RBFOX1: variants seen among roughly 807,000 people sequenced by gnomAD.
The protein encoded by RBFOX1 is RNA binding protein fox-1 homolog 1.
RBFOX1 carries 8 observed loss-of-function variants against 57.7 expected under a neutral mutation model. That is an observed-to-expected ratio of 0.14 (90% CI 0.08 to 0.25). RBFOX1 has a LOEUF of 0.25. RBFOX1 is among the 10% of genes least tolerant of loss of function. RBFOX1 has a pLI of 1.00. For synonymous variants in RBFOX1, 326 were observed against 222.4 expected, an observed-to-expected ratio of 1.47 and a Z score of -4.15; for missense variants, 611 against 548.5, an observed-to-expected ratio of 1.11 and a Z score of -1.14.
intron 3 of RBFOX1, among the ~76,000 whole-genome samples, chr16:5,741,846 A>G (rs1567476275): frequency 1.3e-5 from 2 of 152,224 alleles, no homozygotes. Context: ...TCTTCTTTGT[A>G]AAACACTTAA....
intron 3 of RBFOX1, among the ~76,000 whole-genome samples, chr16:5,704,873 A>T (rs1235817899): frequency 1.3e-5 from 2 of 152,158 alleles, no homozygotes; most frequent in Non-Finnish European, 2.9e-5. Context: ...TGAATTAGGA[A>T]TGAGACTTAT....
chr16:7,013,573 C>G (rs1227731715), intron 3 of RBFOX1, among the ~76,000 whole-genome samples: 1 of 152,192 alleles, frequency 6.6e-6, no homozygotes, highest in Non-Finnish European at 1.5e-5. Context: ...TTGAGAAACT[C>G]TGGTATAACC....
At chr16:6,354,786 A>C (rs1446528367) in intron 2 of RBFOX1, among the ~76,000 whole-genome samples, 1 of 152,312 alleles carries the variant, frequency 6.6e-6, no homozygotes, top group African/African-American at 2.4e-5. Context: ...TTCAGTGTTT[A>C]ACAAAAATTC....
At position 7,710,814 on chromosome 16, in the gene RBFOX1, A is replaced by ACATGCAGTAGTACATCATTT; in HGVS notation, c.*70_*89dup. The ACATGCAGTAGTACATCATTT allele has an allele frequency of 7.3e-7, 1 of 1,360,932 alleles. No individual in the cohort carries two copies. The highest frequency in any genetic ancestry group is 9.8e-7 in the Non-Finnish European group (1 of 1,023,486). 84.3% of individuals were successfully genotyped at this position (1,360,932 alleles called of 1,614,324 possible). A position where few individuals can be genotyped will look rare whatever the true frequency, so the allele number is the denominator to read the frequency against. ...CTTTCCGAGGCCTGAGTATTGCAAT[A>ACATGCAGTAGTACATCATTT]CATGCAGTAGTACATCATTTTAGCA... On this transcript the variant is annotated 3_prime_UTR_variant, in exon 16 of 16. Transcript: ENST00000550418.
intron 3 of RBFOX1, among the ~76,000 whole-genome samples, chr16:7,034,166 A>C (rs1472130712): frequency 4.6e-5 from 7 of 152,064 alleles, no homozygotes; most frequent in African/African-American, 1.4e-4. Context: ...TCTGGATTCA[A>C]ATAGCCTGGG....
rs1207645010 is a variant in RBFOX1 at position 7,586,237 on chromosome 16, T to G, written c.415-1010T>G. ...TACCCTCTCTCTCAGTTGCTCGTAC[T>G]TATGCAGGTTAGGCTACTGTACTCA... On this transcript the variant is annotated intron_variant, in intron 6 of 15. Coordinates refer to ENST00000550418, the MANE Select transcript of RBFOX1 (RefSeq NM_018723.4). Among the ~76,000 whole-genome samples, 14 of 152,302 alleles carry G rather than the reference T, an allele frequency of 9.2e-5. 1 individual carries two copies. The East Asian group carries it at 2.5e-3, about 27-fold the overall frequency.
At chr16:6,592,758 G>T (rs1000052347) in intron 2 of RBFOX1, among the ~76,000 whole-genome samples, 1 of 151,790 alleles carries the variant, frequency 6.6e-6, no homozygotes, top group Admixed American at 6.6e-5. Flanking sequence ...CCCCCTGGTA[G>T]ATGAAATAGA....
chr16:6,752,006 G>A (rs928086878), intron 3 of RBFOX1, among the ~76,000 whole-genome samples: 3 of 152,078 alleles, frequency 2.0e-5, no homozygotes, highest in Non-Finnish European at 4.4e-5. Context: ...ATCCCAGTTG[G>A]AATAGGTGAC....
chr16:6,449,543 C>A (rs1434207497), intron 2 of RBFOX1, among the ~76,000 whole-genome samples: 1 of 152,164 alleles, frequency 6.6e-6, no homozygotes, highest in East Asian at 1.9e-4. Context: ...TTTCAGTTGG[C>A]TGAATCGGAG....
intron 4 of RBFOX1, among the ~76,000 whole-genome samples, chr16:7,289,494 C>T (rs954594987): frequency 5.3e-5 from 8 of 152,060 alleles, no homozygotes; most frequent in African/African-American, 1.4e-4. Flanking sequence ...TTATCATCAT[C>T]GTTATTACAG....
At chr16:6,272,749 T>TA (rs1449089984) in intron 1 of RBFOX1, among the ~76,000 whole-genome samples, 1 of 152,176 alleles carries the variant, frequency 6.6e-6, no homozygotes, top group Non-Finnish European at 1.5e-5. Flanking sequence ...AGATCCATTT[T>TA]AAAAAGTGTA....
intron 1 of RBFOX1, among the ~76,000 whole-genome samples, chr16:6,312,763 C>T (rs1273867595): frequency 6.6e-6 from 1 of 151,328 alleles, no homozygotes; most frequent in African/African-American, 2.4e-5. Context: ...TCCCTCCGTC[C>T]CTCCCTGTTT....
At chr16:6,954,021 G>A (rs1022699995) in intron 3 of RBFOX1, among the ~76,000 whole-genome samples, 1 of 152,140 alleles carries the variant, frequency 6.6e-6, no homozygotes, top group African/African-American at 2.4e-5. Flanking sequence ...AAGGTATTGA[G>A]CCAGGCGCAT....
intron 2 of RBFOX1, among the ~76,000 whole-genome samples, chr16:6,478,504 G>C (rs2095320426): frequency 7.1e-6 from 1 of 140,790 alleles, no homozygotes; most frequent in African/African-American, 2.7e-5. Context: ...TGGAACTCCT[G>C]ACCTTGTGAT....
chr16:7,421,666 G>A (rs7196364), intron 4 of RBFOX1, among the ~76,000 whole-genome samples: 31,240 of 152,230 alleles, frequency 0.21, 3,368 homozygotes, highest in East Asian at 0.29. Context: ...AGTGCTTACT[G>A]TCCCATTTCC....
At chr16:5,916,472 T>C (rs192742321) in intron 4 of RBFOX1, among the ~76,000 whole-genome samples, 213 of 152,230 alleles carry the variant, frequency 1.4e-3, no homozygotes, top group African/African-American at 4.7e-3. Context: ...TGCTTGACCA[T>C]TGCTTCCATC....
At chr16:5,914,755 C>A (rs922054047) in intron 4 of RBFOX1, among the ~76,000 whole-genome samples, 1 of 151,972 alleles carries the variant, frequency 6.6e-6, no homozygotes, top group Non-Finnish European at 1.5e-5. Context: ...AAATAGCGGG[C>A]ATGGTGGCAG....
At chr16:7,091,144 T>G (rs1452490368) in intron 4 of RBFOX1, among the ~76,000 whole-genome samples, 2 of 152,218 alleles carry the variant, frequency 1.3e-5, no homozygotes, top group Admixed American at 6.5e-5. Context: ...ACTTTTTAGT[T>G]GGTTGAAACA....
intron 3 of RBFOX1, among the ~76,000 whole-genome samples, chr16:5,738,518 C>T (rs574080430): frequency 6.6e-6 from 1 of 151,098 alleles, no homozygotes; most frequent in South Asian, 2.1e-4. Flanking sequence ...TCTGTAATCC[C>T]AGCTACTCAG....
Sources: gnomAD v4.1 joint callset for allele counts (sites outside exome capture counted in the v4.1 genomes callset) on GRCh38, gnomAD v4.1.1 for gene constraint, MANE v1.5 for transcripts, NCBI Gene and HGNC (gene_info 2026-07-23, HGNC 2026-07-21) for gene names.